The following AFF2 variants were observed in gnomAD, a reference collection of about 807,000 sequenced individuals.
AFF2 encodes AF4/FMR2 family member 2.
Under a neutral mutation model 76.9 loss-of-function variants are expected in AFF2, and 14 were observed. That is an observed-to-expected ratio of 0.18 (90% CI 0.12 to 0.28). The LOEUF (loss-of-function observed/expected upper bound fraction) is 0.28, where lower values mean the gene tolerates loss of function less well. AFF2 is among the 10% of genes least tolerant of loss of function. The pLI, the probability that AFF2 is intolerant of heterozygous loss-of-function variation, is 1.00. For synonymous variants in AFF2, 398 were observed against 366.7 expected, an observed-to-expected ratio of 1.09 and a Z score of -0.98; for missense variants, 868 against 1,001.1, an observed-to-expected ratio of 0.87 and a Z score of 1.79.
chrX:148,688,711 G>A (rs1025543348), intron 3 of AFF2, among the ~76,000 whole-genome samples: 15 of 111,218 alleles, frequency 1.3e-4, no homozygotes. Flanking sequence ...GAAATATGAT[G>A]GAGTGCACTT....
intron 3 of AFF2, among the ~76,000 whole-genome samples, chrX:148,797,626 G>C (rs1219578803): frequency 9.0e-6 from 1 of 111,415 alleles, no homozygotes; most frequent in Non-Finnish European, 1.9e-5. Context: ...TTCCTTGCTT[G>C]ACCACCAGAT....
chrX:148,799,931 T>C (rs1328793493), intron 3 of AFF2, among the ~76,000 whole-genome samples: 4 of 111,698 alleles, frequency 3.6e-5, no homozygotes, highest in African/African-American at 1.3e-4. Flanking sequence ...GAGATGTAGA[T>C]TTAATTAATG....
At chrX:148,695,725 C>T (rs1423914041) in intron 3 of AFF2, among the ~76,000 whole-genome samples, 1 of 112,286 alleles carries the variant, frequency 8.9e-6, no homozygotes, top group Non-Finnish European at 1.9e-5. Context: ...GTGGGAATTT[C>T]ACATGGTGGT....
intron 4 of AFF2, among the ~76,000 whole-genome samples, chrX:148,832,822 G>C (rs2070470351): frequency 9.0e-6 from 1 of 111,610 alleles, no homozygotes; most frequent in Non-Finnish European, 1.9e-5. Context: ...CACCCACATA[G>C]CTTTTGGCAG....
intron 4 of AFF2, among the ~76,000 whole-genome samples, chrX:148,827,102 G>A (rs1469447834): frequency 9.0e-6 from 1 of 111,151 alleles, no homozygotes; most frequent in Non-Finnish European, 1.9e-5. Flanking sequence ...TGAAATAGCT[G>A]TTTCAGAGGA....
intron 1 of AFF2, among the ~76,000 whole-genome samples, chrX:148,592,057 C>A (rs1408227442): frequency 8.9e-6 from 1 of 111,835 alleles, no homozygotes; most frequent in African/African-American, 3.3e-5. Flanking sequence ...TATGTCAGAT[C>A]TGAGGGCACT....
intron 4 of AFF2, among the ~76,000 whole-genome samples, chrX:148,817,697 A>G (rs1327220431): frequency 8.9e-6 from 1 of 112,116 alleles, no homozygotes; most frequent in Non-Finnish European, 1.9e-5. Flanking sequence ...AGTATCATTT[A>G]TGATTATTGT....
Position 148,967,748 on chromosome X carries a change from A to G in AFF2, c.3267+56A>G. On this transcript the variant is annotated intron_variant, in intron 15 of 20. Transcript: ENST00000370460. Reference sequence around the variant, plus strand: ...CTATTAAGGATTTATGTTTCAAAGGAAAACAAAGAAAGCACTTTTCCAAAC... The same window carrying G: ...CTATTAAGGATTTATGTTTCAAAGGGAAACAAAGAAAGCACTTTTCCAAAC... 3 of 1,107,586 alleles carry G rather than the reference A, an allele frequency of 2.7e-6. No individual in the cohort carries two copies. The Admixed American group carries it at 7.0e-5, about 26-fold the overall frequency. 91.3% of individuals were successfully genotyped at this position (1,107,586 alleles called of 1,213,427 possible). A position where few individuals can be genotyped will look rare whatever the true frequency, so the allele number is the denominator to read the frequency against.
intron 3 of AFF2, among the ~76,000 whole-genome samples, chrX:148,746,033 G>A (rs782587517): frequency 5.4e-5 from 6 of 111,492 alleles, no homozygotes; most frequent in Middle Eastern, 4.6e-3. Context: ...GTGAGCCACC[G>A]CGCCCAGCCC....
intron 1 of AFF2, among the ~76,000 whole-genome samples, chrX:148,627,383 G>A (rs1557252258): frequency 1.8e-5 from 2 of 112,122 alleles, no homozygotes; most frequent in African/African-American, 3.2e-5. Flanking sequence ...AGGAGGGATT[G>A]TGGCAAGGAT....
At chrX:148,923,837 C>G (rs2071622151) in intron 9 of AFF2, among the ~76,000 whole-genome samples, 1 of 111,762 alleles carries the variant, frequency 8.9e-6, no homozygotes, top group Non-Finnish European at 1.9e-5. Flanking sequence ...CAACCAAAAG[C>G]TTCTCTGATT....
At chrX:148,954,789 G>A (rs972450294) in intron 10 of AFF2, among the ~76,000 whole-genome samples, 11 of 111,691 alleles carry the variant, frequency 9.8e-5, no homozygotes, top group African/African-American at 3.6e-4. Flanking sequence ...CCATTGTCTT[G>A]TGCAGGTTGC....
intron 1 of AFF2, among the ~76,000 whole-genome samples, chrX:148,529,270 G>A (rs2124238720): frequency 8.9e-6 from 1 of 111,837 alleles, no homozygotes; most frequent in East Asian, 2.8e-4. Context: ...GGACTGCCAT[G>A]CATGACCCCA....
At chrX:148,611,616 G>C (rs1183640156) in intron 1 of AFF2, among the ~76,000 whole-genome samples, 2 of 111,292 alleles carry the variant, frequency 1.8e-5, no homozygotes, top group African/African-American at 6.5e-5. Context: ...TCTTCAGACA[G>C]ACTGGGACAA....
At chrX:148,644,703 C>T (rs1414080188) in intron 1 of AFF2, among the ~76,000 whole-genome samples, 1 of 112,288 alleles carries the variant, frequency 8.9e-6, no homozygotes, top group African/African-American at 3.2e-5. Flanking sequence ...CCTTGATTTT[C>T]CTTCATGAAA....
At chrX:148,976,459 TA>T (rs1196556184) in intron 16 of AFF2, among the ~76,000 whole-genome samples, 1 of 112,406 alleles carries the variant, frequency 8.9e-6, no homozygotes, top group African/African-American at 3.2e-5. Flanking sequence ...GTGTGTATAA[TA>T]TTTTTTTAAT....
At chrX:148,673,260 A>C (rs2054445098) in intron 3 of AFF2, among the ~76,000 whole-genome samples, 1 of 112,588 alleles carries the variant, frequency 8.9e-6, no homozygotes, top group African/African-American at 3.2e-5. Flanking sequence ...TAGCTGCAAC[A>C]GAATATCACA....
At chrX:148,932,079 A>G (rs1441181751) in intron 9 of AFF2, among the ~76,000 whole-genome samples, 2 of 112,015 alleles carry the variant, frequency 1.8e-5, no homozygotes, top group Non-Finnish European at 3.8e-5. Flanking sequence ...CTCTCTGGGC[A>G]TCAATTTATG....
chrX:148,721,993 A>C (rs1340872640), intron 3 of AFF2, among the ~76,000 whole-genome samples: 1 of 111,609 alleles, frequency 9.0e-6, no homozygotes, highest in Non-Finnish European at 1.9e-5. Context: ...TTAACCTCAC[A>C]AATTAATCTG....
Sources: allele counts gnomAD v4.1 joint callset (sites outside exome capture counted in the v4.1 genomes callset), GRCh38; gene constraint gnomAD v4.1.1; transcripts MANE v1.5; gene names NCBI Gene and HGNC (gene_info 2026-07-23, HGNC 2026-07-21).